Variants in MAGI2 observed in about 807,000 individuals in gnomAD.
The protein encoded by MAGI2 is membrane associated guanylate kinase, WW and PDZ domain containing 2.
Under a neutral mutation model 133.3 loss-of-function variants are expected in MAGI2, and 35 were observed. The ratio of observed to expected loss-of-function variants is 0.26; its 90% CI spans 0.20 to 0.35. MAGI2 has a LOEUF of 0.35. Among genes scored for constraint, MAGI2 ranks in the 10% least tolerant of loss-of-function variants. The probability of loss-of-function intolerance (pLI) is 1.00; values close to 1 mark genes in which losing one functional copy is unlikely to be tolerated. For synonymous variants in MAGI2, 729 were observed against 710.6 expected (o/e 1.03, Z -0.41); for missense variants, 1,636 against 1,863.4 (o/e 0.88, Z 2.25).
chr7:78,870,265 T>G (rs966249779), intron 2 of MAGI2, among the ~76,000 whole-genome samples: 1 of 151,080 alleles, frequency 6.6e-6, no homozygotes, highest in African/African-American at 2.4e-5. Flanking sequence ...GAGAATCACC[T>G]GAACCAGGGA....
chr7:79,122,560 T>C (rs1275351849), intron 1 of MAGI2, among the ~76,000 whole-genome samples: 1 of 152,178 alleles, frequency 6.6e-6, no homozygotes, highest in African/African-American at 2.4e-5. Flanking sequence ...ACCAACTATA[T>C]AAATGATTTC....
chr7:78,068,391 G>A (rs1814077531), intron 21 of MAGI2, among the ~76,000 whole-genome samples: 2 of 152,244 alleles, frequency 1.3e-5, no homozygotes, highest in East Asian at 3.9e-4. Context: ...GGGGACCCCT[G>A]ATATACAACA....
intron 1 of MAGI2, among the ~76,000 whole-genome samples, chr7:79,131,173 A>G (rs1305081577): frequency 6.6e-6 from 1 of 152,194 alleles, no homozygotes; most frequent in Non-Finnish European, 1.5e-5. Context: ...ATCTCCCAAA[A>G]GCAGGGTCCA....
At chr7:78,223,894 T>A (rs558241692) in intron 10 of MAGI2, among the ~76,000 whole-genome samples, 2 of 152,208 alleles carry the variant, frequency 1.3e-5, no homozygotes, top group African/African-American at 2.4e-5. Flanking sequence ...TTAAAGCCAC[T>A]GCTTTTCCCA....
chr7:78,785,676 C>A (rs375227111), intron 2 of MAGI2, among the ~76,000 whole-genome samples: 41 of 152,234 alleles, frequency 2.7e-4, no homozygotes, highest in African/African-American at 8.9e-4. Context: ...TTTATTTCTC[C>A]TCTTTCCTGT....
chr7:78,256,148 G>A lies in MAGI2; in HGVS notation c.1842C>T (p.Gly614=). The A allele has an allele frequency of 6.2e-7, 1 of 1,613,946 alleles. No homozygotes were observed. Among genetic ancestry groups the A allele is most frequent in the Non-Finnish European group, 8.5e-7 (1 of 1,179,964 alleles). ...GACTGTCGGCAATAGTGAAGCCGAA[G>A]CCCTGGGCACCTTTCACAATGGTTA... ...MTLTIVKGAQ[G]FGFTIADSPT... The change falls in exon 10 of 22, where the codon GGC becomes GGT. Residue 614 remains glycine, a synonymous_variant. Transcript: ENST00000354212.
chr7:78,918,796 G>T (rs1213061606), intron 2 of MAGI2, among the ~76,000 whole-genome samples: 4 of 151,932 alleles, frequency 2.6e-5, no homozygotes, highest in Non-Finnish European at 4.4e-5. Context: ...ATTCATTAAG[G>T]CCCAAATAAT....
chr7:79,436,398 C>T (rs988510041), intron 1 of MAGI2, among the ~76,000 whole-genome samples: 1 of 152,060 alleles, frequency 6.6e-6, no homozygotes, highest in Non-Finnish European at 1.5e-5. Flanking sequence ...AAGGAACTAT[C>T]AACAGAGTAA....
At chr7:78,190,850 T>C (rs1828139002) in intron 12 of MAGI2, among the ~76,000 whole-genome samples, 1 of 152,196 alleles carries the variant, frequency 6.6e-6, no homozygotes, top group Non-Finnish European at 1.5e-5. Flanking sequence ...TTTATGAGAT[T>C]CTCGGGAAAA....
At chr7:79,201,701 C>T (rs1222374892) in intron 1 of MAGI2, among the ~76,000 whole-genome samples, 4 of 151,690 alleles carry the variant, frequency 2.6e-5, no homozygotes, top group Non-Finnish European at 5.9e-5. Flanking sequence ...AGAAAAACTC[C>T]CTTTTTAAAA....
intron 3 of MAGI2, among the ~76,000 whole-genome samples, chr7:78,522,184 G>A (rs1796564030): frequency 6.6e-6 from 1 of 152,112 alleles, no homozygotes; most frequent in Admixed American, 6.6e-5. Flanking sequence ...GCTGCTGACA[G>A]TGCGCCTGCT....
chr7:78,559,453 T>C (rs1800191723), intron 3 of MAGI2, among the ~76,000 whole-genome samples: 2 of 152,108 alleles, frequency 1.3e-5, no homozygotes, highest in African/African-American at 4.8e-5. Context: ...TAAGCAATGG[T>C]ATTTTCTGTG....
At chr7:78,599,963 T>A (rs904179071) in intron 3 of MAGI2, among the ~76,000 whole-genome samples, 3 of 152,204 alleles carry the variant, frequency 2.0e-5, no homozygotes, top group African/African-American at 7.2e-5. Flanking sequence ...CCACAGGACT[T>A]GAGGAATGAA....
At chr7:79,257,851 T>A (rs1411638434) in intron 1 of MAGI2, among the ~76,000 whole-genome samples, 2 of 152,220 alleles carry the variant, frequency 1.3e-5, no homozygotes, top group African/African-American at 2.4e-5. Flanking sequence ...GTATTTATTA[T>A]TTGTTATGTG....
intron 5 of MAGI2, among the ~76,000 whole-genome samples, chr7:78,496,606 G>T (rs1418485277): frequency 6.6e-6 from 1 of 152,130 alleles, no homozygotes; most frequent in African/African-American, 2.4e-5. Context: ...GCCAATGTTT[G>T]TTTCTATTGG....
intron 9 of MAGI2, among the ~76,000 whole-genome samples, chr7:78,325,968 T>A (rs1788540771): frequency 6.6e-6 from 1 of 152,210 alleles, no homozygotes; most frequent in Non-Finnish European, 1.5e-5. Context: ...TTATAATCTT[T>A]CCATTCCTCT....
At chr7:78,542,667 A>G (rs1228959980) in intron 3 of MAGI2, among the ~76,000 whole-genome samples, 1 of 152,174 alleles carries the variant, frequency 6.6e-6, no homozygotes, top group Non-Finnish European at 1.5e-5. Context: ...GGAAAGAAGG[A>G]GCATGTAGGC....
intron 12 of MAGI2, among the ~76,000 whole-genome samples, chr7:78,194,247 T>C (rs565805753): frequency 6.6e-6 from 1 of 152,348 alleles, no homozygotes; most frequent in Non-Finnish European, 1.5e-5. Flanking sequence ...CCTTGTTTTC[T>C]AATGTTTATA....
At chr7:79,268,341 A>AATAT (rs1363171507) in intron 1 of MAGI2, among the ~76,000 whole-genome samples, 1 of 152,228 alleles carries the variant, frequency 6.6e-6, no homozygotes, top group Non-Finnish European at 1.5e-5. Context: ...CATCATCACA[A>AATAT]ATATAATCTA....
Sources: allele counts gnomAD v4.1 joint callset (sites outside exome capture counted in the v4.1 genomes callset), GRCh38; gene constraint gnomAD v4.1.1; transcripts MANE v1.5; gene names NCBI Gene and HGNC (gene_info 2026-07-23, HGNC 2026-07-21).